Variants in CABP1 observed in about 807,000 individuals in gnomAD.
The protein encoded by CABP1 is calcium-binding protein 1.
In CABP1, 17 loss-of-function variants were observed where a neutral mutation model predicts 34.3. The observed-to-expected ratio is 0.50, with a 90% CI of 0.34 to 0.74. CABP1 has a LOEUF of 0.74. Ranked by LOEUF, CABP1 falls within the 30% of genes least tolerant of loss-of-function variation. The pLI, the probability that CABP1 is intolerant of heterozygous loss-of-function variation, is 0.01. For synonymous variants in CABP1, 198 were observed against 229.2 expected (o/e 0.86, Z 1.23); for missense variants, 373 against 511.1 (o/e 0.73, Z 2.61).
intron 1 of CABP1, among the ~76,000 whole-genome samples, chr12:120,656,500 C>T (rs890029552): frequency 2.0e-5 from 3 of 152,146 alleles, no homozygotes; most frequent in Non-Finnish European, 2.9e-5. Context: ...TGAGCACTTA[C>T]TAGGTGAGCA....
chr12:120,666,514 A>T (rs1160143843), intron 5 of CABP1, among the ~76,000 whole-genome samples: 1 of 148,034 alleles, frequency 6.8e-6, no homozygotes, highest in East Asian at 2.0e-4. Flanking sequence ...GGTGAGAGAG[A>T]GAGTGCGCCA....
downstream of CABP1, among the ~76,000 whole-genome samples, chr12:120,672,108 A>T (rs1046607396): frequency 3.3e-5 from 5 of 152,104 alleles, no homozygotes; most frequent in Non-Finnish European, 7.3e-5. Flanking sequence ...CAGACATTAG[A>T]TACCACTGAT....
intron 1 of CABP1, among the ~76,000 whole-genome samples, chr12:120,658,031 A>G (rs1004327124): frequency 6.6e-6 from 1 of 151,028 alleles, no homozygotes; most frequent in Non-Finnish European, 1.5e-5. Flanking sequence ...ATCTACGAAC[A>G]TATGGGTTTG....
chr12:120,667,126 T>C lies in CABP1; in HGVS notation c.*226T>C, dbSNP rs2137380472. 1.7e-6 allele frequency: 1 copy of C among 592,834 alleles called. No individual in the cohort carries two copies. The highest frequency in any genetic ancestry group is 3.0e-6 in the Non-Finnish European group (1 of 335,378). 36.7% of individuals were successfully genotyped at this position (592,834 alleles called of 1,614,324 possible). A position where few individuals can be genotyped will look rare whatever the true frequency, so the allele number is the denominator to read the frequency against. On this transcript the variant is annotated 3_prime_UTR_variant, in exon 6 of 6. Transcript: ENST00000316803. ...GCGCCCGCCGACGAGGAGGCCACCG[T>C]GCCAAGCCGGCAGAGGTCATGCCAG...
At chr12:120,656,955 G>T (rs1238881162) in intron 1 of CABP1, among the ~76,000 whole-genome samples, 1 of 152,160 alleles carries the variant, frequency 6.6e-6, no homozygotes, top group Non-Finnish European at 1.5e-5. Flanking sequence ...GTAACAGCTT[G>T]TTGGTGGTAG....
chr12:120,669,760 A>G (rs1349202198), downstream of CABP1, among the ~76,000 whole-genome samples: 7 of 151,914 alleles, frequency 4.6e-5, no homozygotes, highest in Non-Finnish European at 8.8e-5. Flanking sequence ...TCTGAAAAAA[A>G]AAAAAAGAAT....
At chr12:120,659,494 G>GTT (rs11396469) in intron 1 of CABP1, 117 of 162,566 alleles carry the variant, frequency 7.2e-4, no homozygotes, top group African/African-American at 1.7e-3. Context: ...TTCTTTTTTT[G>GTT]TTTTTTTTTT....
intron 1 of CABP1, among the ~76,000 whole-genome samples, chr12:120,654,952 G>A (rs1430460562): frequency 6.6e-6 from 1 of 152,232 alleles, no homozygotes; most frequent in Non-Finnish European, 1.5e-5. Context: ...GGCCAGGCAG[G>A]GAGCCAGGGA....
chr12:120,675,886 G>C, the CABP1 span, among the ~76,000 whole-genome samples: 1 of 152,130 alleles, frequency 6.6e-6, no homozygotes, highest in East Asian at 1.9e-4. Context: ...GACCAGCCTG[G>C]CCAAAATGAC....
At chr12:120,643,894 C>T (rs1879443672) in intron 1 of CABP1, among the ~76,000 whole-genome samples, 2 of 152,238 alleles carry the variant, frequency 1.3e-5, no homozygotes. Context: ...TGATTAACTA[C>T]CAAGGCCTTC....
downstream of CABP1, among the ~76,000 whole-genome samples, chr12:120,670,258 G>A (rs1881207287): frequency 6.6e-6 from 1 of 152,186 alleles, no homozygotes; most frequent in Non-Finnish European, 1.5e-5. Flanking sequence ...GCTTCCCAAA[G>A]TGCTGGGATT....
intron 1 of CABP1, among the ~76,000 whole-genome samples, chr12:120,654,072 G>C (rs921900794): frequency 6.6e-6 from 1 of 152,214 alleles, no homozygotes; most frequent in Non-Finnish European, 1.5e-5. Flanking sequence ...CTCTAGTCTA[G>C]GTCCCAGAAG....
intron 1 of CABP1, among the ~76,000 whole-genome samples, chr12:120,645,233 CCTT>C (rs1879495272): frequency 6.6e-6 from 1 of 152,184 alleles, no homozygotes. Flanking sequence ...GTGTCTCCCT[CCTT>C]CTCTCTGAGA....
In CABP1 at chr12:120,667,161, G is replaced by A; in HGVS notation, c.*261G>A. 1.8e-6 allele frequency: 1 copy of A among 570,848 alleles called. No homozygotes were observed. The highest frequency in any genetic ancestry group is 1.9e-5 in the African/African-American group (1 of 53,116). 35.4% of individuals were successfully genotyped at this position (570,848 alleles called of 1,614,324 possible). On this transcript the variant is annotated 3_prime_UTR_variant, in exon 6 of 6. Transcript: ENST00000316803. ...GCAGAGGTCATGCCAGGCGCCAAGG[G>A]CCATGTGCCCAGCTGCTGCTGGCTG... is the stretch of plus-strand genomic sequence containing the variant.
Position 120,655,517 on chromosome 12 carries a change from C to A in CABP1, c.655-4361C>A, listed in dbSNP as rs1259913532. The A allele has an allele frequency of 7.0e-6, 8 of 1,150,334 alleles. No homozygotes were observed. The African/African-American group carries it at 1.3e-4, about 18-fold the overall frequency. The allele number at this position is 1,150,334 out of a possible 1,614,324, so 71.3% of individuals were successfully genotyped here. On this transcript the variant is annotated intron_variant, in intron 1 of 5. Transcript: ENST00000316803. ...TGCTTCATTTATGTCAGCAATGGCA[C>A]CTGCATGTGCAACCTCTGGTCTGGC... is the stretch of plus-strand genomic sequence containing the variant.
chr12:120,678,391 G>GT, the CABP1 span, among the ~76,000 whole-genome samples: 6 of 152,084 alleles, frequency 3.9e-5, no homozygotes, highest in Non-Finnish European at 8.8e-5. Flanking sequence ...GTTCCCTTTG[G>GT]TTTTTTCTCC....
chr12:120,657,114 C>T (rs1355139798), intron 1 of CABP1, among the ~76,000 whole-genome samples: 1 of 152,200 alleles, frequency 6.6e-6, no homozygotes, highest in Non-Finnish European at 1.5e-5. Flanking sequence ...CCACTAGCCA[C>T]ATGTGGCTAT....
intron 5 of CABP1, among the ~76,000 whole-genome samples, chr12:120,666,126 A>G: frequency 6.8e-6 from 1 of 147,426 alleles, no homozygotes; most frequent in Non-Finnish European, 1.5e-5. Flanking sequence ...AGAGCCCAGG[A>G]GTTTGACCTT....
Position 120,641,478 on chromosome 12 carries a change from C to A in CABP1, c.654+139C>A. On this transcript the variant is annotated intron_variant, in intron 1 of 5. Coordinates refer to ENST00000316803, the MANE Select transcript of CABP1 (RefSeq NM_001033677.2). This position sits in a 1 kb window ranked among gnomAD's most constrained non-coding sequence, Gnocchi z 6.7. ...CTCGGCTCACCTCGTCCTCCCCGGG[C>A]CGGCGCCCTTGCCGGCACTCCTCCT... The A allele has an allele frequency of 2.0e-6, 2 of 975,696 alleles. No individual in the cohort carries two copies. The highest frequency in any genetic ancestry group is 1.3e-6 in the Non-Finnish European group (1 of 754,934). The allele number at this position is 975,696 out of a possible 1,614,324, so 60.4% of individuals were successfully genotyped here.
Sources: allele counts gnomAD v4.1 joint callset (sites outside exome capture counted in the v4.1 genomes callset), GRCh38; gene constraint gnomAD v4.1.1; non-coding constraint Gnocchi (gnomAD v3.1); transcripts MANE v1.5; gene names NCBI Gene and HGNC (gene_info 2026-07-23, HGNC 2026-07-21).